Variants in LAMC1 observed in about 807,000 individuals in gnomAD.
LAMC1 encodes the protein laminin subunit gamma 1.
Under a neutral mutation model 173.6 loss-of-function variants are expected in LAMC1, and 38 were observed. The ratio of observed to expected loss-of-function variants is 0.22; its 90% CI spans 0.17 to 0.29. The LOEUF (loss-of-function observed/expected upper bound fraction) is 0.29, where lower values mean the gene tolerates loss of function less well. Among genes scored for constraint, LAMC1 ranks in the 10% least tolerant of loss-of-function variants. The pLI, the probability that LAMC1 is intolerant of heterozygous loss-of-function variation, is 1.00. For missense variants in LAMC1, 1,824 were observed against 2,051.8 expected (o/e 0.89, Z 2.14); for synonymous variants, 746 against 749.1 (o/e 1.00, Z 0.07).
At chr1:183,137,537 T>G in intron 25 of LAMC1, 132 bp from the exon 26 acceptor site, 1 of 477,374 alleles carries the variant, frequency 2.1e-6, no homozygotes, top group Non-Finnish European at 3.5e-6. Context: ...AGTCATGAGA[T>G]AGTATAAATC....
In LAMC1 at chr1:183,124,676, T is replaced by G; in HGVS notation, c.2447T>G (p.Leu816Arg). ...LCDDGYFGDP[L>R]GRNGPVRLCR... ...GATGATGGCTACTTTGGAGACCCCC[T>G]GGGTAGAAACGGCCCTGTGAGACTT... Residue 816 changes from leucine to arginine, a missense_variant, in exon 14 of 28, where the codon CTG becomes CGG. Leu to Arg is a moderately radical substitution (Grantham distance 102). Transcript: ENST00000258341. The G allele has an allele frequency of 1.2e-6, 2 of 1,614,182 alleles. No homozygotes were observed. The highest frequency in any genetic ancestry group is 1.7e-6 in the Non-Finnish European group (2 of 1,180,012).
chr1:183,120,187 A>AAAT (rs1380343550), intron 11 of LAMC1, among the ~76,000 whole-genome samples: 2 of 151,550 alleles, frequency 1.3e-5, no homozygotes, highest in Non-Finnish European at 2.9e-5. Flanking sequence ...AAAAAAAAAA[A>AAAT]AAAGGTGGCG....
chr1:183,088,221 C>T (rs922810245), intron 1 of LAMC1, among the ~76,000 whole-genome samples: 1 of 152,182 alleles, frequency 6.6e-6, no homozygotes, highest in African/African-American at 2.4e-5. Flanking sequence ...ATAAGCTCTA[C>T]GTCAATATCC....
chr1:183,059,938 T>G (rs1161656337), intron 1 of LAMC1, among the ~76,000 whole-genome samples: 1 of 152,200 alleles, frequency 6.6e-6, no homozygotes, highest in Non-Finnish European at 1.5e-5. Flanking sequence ...TGGAAGTTTC[T>G]GGCACTGTGT....
At chr1:183,026,485 A>C (rs1653690591) in intron 1 of LAMC1, among the ~76,000 whole-genome samples, 1 of 152,090 alleles carries the variant, frequency 6.6e-6, no homozygotes, top group African/African-American at 2.4e-5. Context: ...GCAAGGTGTC[A>C]TGTGTCACTG....
At chr1:183,129,108 G>A (rs1367103067) in intron 18 of LAMC1, among the ~76,000 whole-genome samples, 4 of 109,306 alleles carry the variant, frequency 3.7e-5, no homozygotes, top group Non-Finnish European at 5.2e-5. Flanking sequence ...TTTTTTTTGA[G>A]CCACAATCAC....
chr1:183,076,094 A>G (rs1019710421), intron 1 of LAMC1, among the ~76,000 whole-genome samples: 1 of 152,208 alleles, frequency 6.6e-6, no homozygotes, highest in African/African-American at 2.4e-5. Flanking sequence ...ATAAAACCTC[A>G]TTCTGTCATT....
At chr1:183,056,561 C>G (rs1442395334) in intron 1 of LAMC1, among the ~76,000 whole-genome samples, 1 of 152,138 alleles carries the variant, frequency 6.6e-6, no homozygotes, top group Non-Finnish European at 1.5e-5. Context: ...ATTCATTGAT[C>G]TGTCCTGAAT....
intron 13 of LAMC1, among the ~76,000 whole-genome samples, chr1:183,123,870 G>A (rs1490451895): frequency 6.6e-6 from 1 of 152,106 alleles, no homozygotes; most frequent in Non-Finnish European, 1.5e-5. Flanking sequence ...AATAAACCTC[G>A]GATTCCCAGA....
At chr1:183,081,662 A>G (rs1002624163) in intron 1 of LAMC1, among the ~76,000 whole-genome samples, 2 of 152,204 alleles carry the variant, frequency 1.3e-5, no homozygotes, top group African/African-American at 4.8e-5. Context: ...GAAGTCCCAC[A>G]TATTTCCTTC....
chr1:183,082,557 G>C (rs1655305866), intron 1 of LAMC1, among the ~76,000 whole-genome samples: 1 of 152,152 alleles, frequency 6.6e-6, no homozygotes, highest in South Asian at 2.1e-4. Flanking sequence ...GGAGTTGAAG[G>C]GCAAGGGCTT....
chr1:183,077,017 C>G (rs1184229227), intron 1 of LAMC1, among the ~76,000 whole-genome samples: 1 of 152,126 alleles, frequency 6.6e-6, no homozygotes, highest in Admixed American at 6.5e-5. Context: ...CTTGAAGTAG[C>G]CAAGATTGCG....
intron 22 of LAMC1, 59 bp from the exon 23 acceptor site, chr1:183,134,601 C>A: frequency 2.1e-6 from 3 of 1,407,210 alleles, no homozygotes; most frequent in Non-Finnish European, 2.9e-6. Flanking sequence ...CCTAAGCCTA[C>A]CTTTTCATTA....
chr1:183,035,221 C>T (rs1267054498), intron 1 of LAMC1, among the ~76,000 whole-genome samples: 4 of 152,192 alleles, frequency 2.6e-5, no homozygotes, highest in Non-Finnish European at 5.9e-5. Flanking sequence ...CAGGGTCTTG[C>T]TCTGTCATCC....
intron 1 of LAMC1, among the ~76,000 whole-genome samples, chr1:183,027,790 A>G (rs998723914): frequency 6.6e-6 from 1 of 152,180 alleles, no homozygotes; most frequent in Non-Finnish European, 1.5e-5. Flanking sequence ...CTGAGTGTGT[A>G]TGTATTTAAC....
intron 1 of LAMC1, among the ~76,000 whole-genome samples, chr1:183,029,626 TTCTC>T (rs1300200633): frequency 7.2e-5 from 11 of 152,066 alleles, no homozygotes; most frequent in Middle Eastern, 3.4e-3. Context: ...CTTCCCCAGT[TTCTC>T]TCTCTCTCCC....
At chr1:183,117,162 A>G (rs769173006) in intron 8 of LAMC1, among the ~76,000 whole-genome samples, 158 bp from the exon 9 acceptor site, 18 of 152,194 alleles carry the variant, frequency 1.2e-4, no homozygotes, top group African/African-American at 2.2e-4. Flanking sequence ...GTGGTATAGC[A>G]TATATTGGTA....
At chr1:183,075,330 G>A (rs988960354) in intron 1 of LAMC1, among the ~76,000 whole-genome samples, 4 of 152,046 alleles carry the variant, frequency 2.6e-5, no homozygotes, top group Admixed American at 6.5e-5. Flanking sequence ...TGCCCAGGCT[G>A]GTCTCAAAGT....
intron 1 of LAMC1, among the ~76,000 whole-genome samples, chr1:183,088,799 G>C (rs761522980): frequency 1.3e-5 from 2 of 152,220 alleles, no homozygotes; most frequent in African/African-American, 2.4e-5. Flanking sequence ...CTTGGAAGGG[G>C]TGAAGACTAG....
Sources: allele counts gnomAD v4.1 joint callset (sites outside exome capture counted in the v4.1 genomes callset), GRCh38; gene constraint gnomAD v4.1.1; transcripts MANE v1.5; gene names NCBI Gene and HGNC (gene_info 2026-07-23, HGNC 2026-07-21).